The following LOXHD1 variants were observed in gnomAD, a reference collection of about 807,000 sequenced individuals.
The protein encoded by LOXHD1 is lipoxygenase homology PLAT domains 1.
A neutral mutation model predicts 248.2 loss-of-function variants in LOXHD1; 205 were observed. The observed-to-expected ratio is 0.83, with a 90% CI of 0.74 to 0.93. The LOEUF (loss-of-function observed/expected upper bound fraction) is 0.93. LOXHD1 is among the 40% of genes least tolerant of loss of function. The pLI is 0.00. For missense variants in LOXHD1, 2,930 were observed against 2,971.6 expected (o/e 0.99, Z 0.33); for synonymous variants, 1,113 against 1,162.8 (o/e 0.96, Z 0.87).
chr18:46,572,460 G>A (rs962485057), intron 14 of LOXHD1, among the ~76,000 whole-genome samples: 3 of 152,128 alleles, frequency 2.0e-5, no homozygotes, highest in Non-Finnish European at 4.4e-5. Context: ...GTATCCCAGA[G>A]GAAGCAACAT....
intron 21 of LOXHD1, among the ~76,000 whole-genome samples, chr18:46,552,922 A>C (rs1167567606): frequency 6.6e-6 from 1 of 152,064 alleles, no homozygotes; most frequent in East Asian, 1.9e-4. Context: ...TGCCACCTGC[A>C]TCACATTTTT....
At chr18:46,523,455 A>G (rs1343443888) in intron 31 of LOXHD1, among the ~76,000 whole-genome samples, 1 of 152,204 alleles carries the variant, frequency 6.6e-6, no homozygotes, top group African/African-American at 2.4e-5. Flanking sequence ...GAACTGCTAT[A>G]TTAGTCCCAG....
chr18:46,485,014 C>T lies in LOXHD1; in HGVS notation c.6182+5G>A, dbSNP rs1208129053. The T allele has an allele frequency of 6.5e-7, 1 of 1,549,812 alleles. No homozygotes were observed. On this transcript the variant is annotated splice_donor_5th_base_variant and intron_variant, in intron 39 of 40. Coordinates refer to ENST00000642948, the MANE Select transcript of LOXHD1 (RefSeq NM_001384474.1). ...CACCACTTCCCATGGGCCTCCCCTT[C>T]CTACTTCCTAAAGGCCCGCTGCCTA...
At chr18:46,577,134 G>A (rs2037873945) in intron 14 of LOXHD1, among the ~76,000 whole-genome samples, 1 of 152,160 alleles carries the variant, frequency 6.6e-6, no homozygotes, top group African/African-American at 2.4e-5. Context: ...AATGTGGAGA[G>A]CCACCATGAT....
rs376794745 is a variant in LOXHD1 at position 46,501,690 on chromosome 18, C to A, written c.5878+4148G>T. ...TCACAGGAACCTAACCCTGTGCTTCCCTTAGGAGCAATGGTTCAGTGTTTG... is the reference window on the plus strand; with the variant it reads ...TCACAGGAACCTAACCCTGTGCTTCACTTAGGAGCAATGGTTCAGTGTTTG... On this transcript the variant is annotated intron_variant, in intron 37 of 40. Coordinates refer to ENST00000642948, the MANE Select transcript of LOXHD1 (RefSeq NM_001384474.1). 3.1e-4 allele frequency among the ~76,000 whole-genome samples: 47 copies of A among 152,250 alleles called. No individual in the cohort carries two copies. In the East Asian group the frequency reaches 7.9e-3, roughly 26 times the overall value.
chr18:46,560,319 T>C lies in LOXHD1; in HGVS notation c.2825A>G (p.Lys942Arg), dbSNP rs775459905. 8 of 1,493,628 alleles carry C rather than the reference T, an allele frequency of 5.4e-6. No individual in the cohort carries two copies. Among genetic ancestry groups the C allele is most frequent in the African/African-American group, 4.1e-5 (3 of 72,486 alleles). The allele number at this position is 1,493,628 out of a possible 1,614,324, so 92.5% of individuals were successfully genotyped here. Residue 942 changes from lysine (K) to arginine (R), a missense_variant, in exon 19 of 41, where the codon AAG (lysine) becomes AGG (arginine). By Grantham distance (26) the Lys-to-Arg change is conservative. Transcript: ENST00000642948. ...GTCCTCTTCGTCGCTGCCCTTCCTC[T>C]TCTTCTTCTTCCTCTGCAGCTTGGC... ...LKAKLQRKKK[K>R]RKGSDEEDEG... is the part of the protein sequence containing the mutation.
chr18:46,593,299 G>T (rs2038205884), intron 10 of LOXHD1, among the ~76,000 whole-genome samples: 1 of 152,190 alleles, frequency 6.6e-6, no homozygotes. Flanking sequence ...CAGGGTCTCT[G>T]TTCTGCAATG....
chr18:46,591,138 A>T (rs1205539225), intron 12 of LOXHD1, among the ~76,000 whole-genome samples: 1 of 152,242 alleles, frequency 6.6e-6, no homozygotes. Flanking sequence ...TAGAAGGGCT[A>T]CTGGAACTAT....
chr18:46,540,720 T>C (rs2036525493), intron 25 of LOXHD1, among the ~76,000 whole-genome samples: 1 of 144,784 alleles, frequency 6.9e-6, no homozygotes, highest in South Asian at 2.2e-4. Flanking sequence ...ATGGATACGT[T>C]TGTCCTCAAG....
At chr18:46,542,899 C>A (rs1246901920) in intron 23 of LOXHD1, 44 bp from the exon 24 acceptor site, 3 of 1,551,174 alleles carry the variant, frequency 1.9e-6, no homozygotes, top group Admixed American at 2.0e-5. Flanking sequence ...GACCTGAGGC[C>A]TTTCAAGCCT....
chr18:46,485,292 C>G (rs771509659), intron 38 of LOXHD1, 141 bp from the exon 39 acceptor site: 17 of 894,888 alleles, frequency 1.9e-5, no homozygotes, highest in Non-Finnish European at 2.8e-5. Context: ...GTTAAAAGCA[C>G]CACGATTGAG....
intron 21 of LOXHD1, among the ~76,000 whole-genome samples, chr18:46,553,496 G>A (rs559082678): frequency 8.5e-5 from 13 of 152,182 alleles, no homozygotes; most frequent in Non-Finnish European, 2.9e-5. Flanking sequence ...TTAACCCCCA[G>A]CACTTAGCAC....
chr18:46,529,616 G>C (rs1294336517), intron 28 of LOXHD1, among the ~76,000 whole-genome samples: 1 of 152,104 alleles, frequency 6.6e-6, no homozygotes, highest in Non-Finnish European at 1.5e-5. Context: ...TGCCCATATA[G>C]CTGCCTGCAG....
chr18:46,593,037 A>T (rs1374682322), intron 10 of LOXHD1, among the ~76,000 whole-genome samples: 1 of 152,116 alleles, frequency 6.6e-6, no homozygotes, highest in African/African-American at 2.4e-5. Flanking sequence ...ATATATAAAG[A>T]GCAATGAACT....
chr18:46,622,849 C>A (rs1031166023), intron 4 of LOXHD1, among the ~76,000 whole-genome samples: 2 of 152,172 alleles, frequency 1.3e-5, no homozygotes, highest in African/African-American at 4.8e-5. Context: ...AGGGCAGCAC[C>A]GCTTCTGCAA....
At chr18:46,517,554 T>G (rs1304622919) in intron 34 of LOXHD1, among the ~76,000 whole-genome samples, 1 of 152,234 alleles carries the variant, frequency 6.6e-6, no homozygotes, top group African/African-American at 2.4e-5. Flanking sequence ...TTAGTGTTGC[T>G]GTTATTGCCC....
intron 17 of LOXHD1, among the ~76,000 whole-genome samples, chr18:46,564,650 A>G (rs537510818): frequency 1.3e-5 from 2 of 152,320 alleles, no homozygotes; most frequent in African/African-American, 4.8e-5. Flanking sequence ...GGTAAGGGGA[A>G]GAGGTAGGTA....
intron 2 of LOXHD1, among the ~76,000 whole-genome samples, chr18:46,647,391 G>C (rs1194367643): frequency 6.6e-6 from 1 of 152,214 alleles, no homozygotes; most frequent in Non-Finnish European, 1.5e-5. Context: ...AGAATCTGAG[G>C]ATGCTGAATG....
In LOXHD1 at chr18:46,507,572, G is replaced by C; in HGVS notation, c.5658C>G (p.Ser1886=). Reference sequence around the variant, plus strand: ...CGCTGGTCTTAACTGCGACGGTGTAGGAGGTCCACTCCATCATTTCTTCCT... The same window carrying C: ...CGCTGGTCTTAACTGCGACGGTGTACGAGGTCCACTCCATCATTTCTTCCT... ...IDEEEMMEWT[S]YTVAVKTSDI... is the part of the protein sequence containing the mutation. Residue 1886 remains serine (S), a synonymous_variant, in exon 36 of 41, where the codon TCC becomes TCG. Coordinates refer to ENST00000642948, the MANE Select transcript of LOXHD1 (RefSeq NM_001384474.1). 1 of 1,551,738 alleles carries C rather than the reference G, an allele frequency of 6.4e-7. No individual in the cohort carries two copies. The highest frequency in any genetic ancestry group is 8.7e-7 in the Non-Finnish European group (1 of 1,146,986).
Sources: allele counts gnomAD v4.1 joint callset (sites outside exome capture counted in the v4.1 genomes callset), GRCh38; gene constraint gnomAD v4.1.1; transcripts MANE v1.5; gene names NCBI Gene and HGNC (gene_info 2026-07-23, HGNC 2026-07-21).